The following TBC1D31 variants were observed in gnomAD, a reference collection of about 807,000 sequenced individuals.
TBC1D31 encodes the protein TBC1 domain family member 31.
TBC1D31 carries 99 observed loss-of-function variants against 132.9 expected under a neutral mutation model. That is an observed-to-expected ratio of 0.74 (90% confidence interval 0.63 to 0.88). The LOEUF (loss-of-function observed/expected upper bound fraction) is 0.88. TBC1D31 is among the 40% of genes least tolerant of loss of function. The probability of loss-of-function intolerance (pLI) is 0.00; values close to 1 mark genes in which losing one functional copy is unlikely to be tolerated. For missense variants in TBC1D31, 1,134 were observed against 1,256.6 expected, an observed-to-expected ratio of 0.90 and a Z score of 1.48; for synonymous variants, 385 against 419.4, an observed-to-expected ratio of 0.92 and a Z score of 1.00.
chr8:123,147,083 A>AT (rs1822286172), intron 20 of TBC1D31, among the ~76,000 whole-genome samples: 1 of 152,132 alleles, frequency 6.6e-6, no homozygotes. Flanking sequence ...CTCTGCACGA[A>AT]TTAAATATTT....
At chr8:123,115,427 T>A (rs1818827212) in intron 10 of TBC1D31, among the ~76,000 whole-genome samples, 1 of 152,232 alleles carries the variant, frequency 6.6e-6, no homozygotes, top group Non-Finnish European at 1.5e-5. Flanking sequence ...CCTGGGGTTG[T>A]TCTGAGTATT....
intron 13 of TBC1D31, among the ~76,000 whole-genome samples, chr8:123,126,974 C>T (rs1321090721): frequency 6.6e-6 from 1 of 151,994 alleles, no homozygotes; most frequent in Non-Finnish European, 1.5e-5. Flanking sequence ...CTCCTGACCT[C>T]GTGATCCACC....
intron 1 of TBC1D31, among the ~76,000 whole-genome samples, chr8:123,073,739 G>A (rs1343710291): frequency 6.6e-6 from 1 of 152,190 alleles, no homozygotes; most frequent in African/African-American, 2.4e-5. Context: ...GGGCTGGGGT[G>A]CAGTGGCGCG....
At chr8:123,162,412 G>C in the TBC1D31 span, among the ~76,000 whole-genome samples, 1 of 152,072 alleles carries the variant, frequency 6.6e-6, no homozygotes, top group African/African-American at 2.4e-5. Context: ...TTCCCTTGCG[G>C]CAAATGGACC....
At chr8:123,084,037 T>G (rs1298585875) in intron 3 of TBC1D31, 125 bp from the exon 4 acceptor site, 1 of 759,692 alleles carries the variant, frequency 1.3e-6, no homozygotes, top group East Asian at 2.5e-5. Flanking sequence ...TTGTGGATAT[T>G]AATGGAGGTG....
At chr8:123,157,776 C>T in the TBC1D31 span, among the ~76,000 whole-genome samples, 1 of 152,094 alleles carries the variant, frequency 6.6e-6, no homozygotes, top group Non-Finnish European at 1.5e-5. Context: ...GACCCCAGAT[C>T]CCGCCAGTCC....
chr8:123,111,091 G>GTT (rs143158206), intron 10 of TBC1D31, among the ~76,000 whole-genome samples: 1 of 149,638 alleles, frequency 6.7e-6, no homozygotes, highest in Non-Finnish European at 1.5e-5. Flanking sequence ...CTGAGTCAAG[G>GTT]TTTTTTTTTT....
intron 5 of TBC1D31, among the ~76,000 whole-genome samples, chr8:123,096,700 A>G (rs1816872244): frequency 6.6e-6 from 1 of 152,240 alleles, no homozygotes; most frequent in African/African-American, 2.4e-5. Context: ...TTGAAACATA[A>G]CCATAGTATT....
rs1250597356 is a variant in TBC1D31 at position 123,072,782 on chromosome 8, G to T, written c.13G>T (p.Asp5Tyr). 7.6e-6 allele frequency: 12 copies of T among 1,569,074 alleles called. No homozygotes were observed. In the African/African-American group the frequency reaches 1.2e-4, roughly 16 times the overall value. ...GGCAAGCTTCGCCATGCAGAGCACTGACCTAGGCAACAAGGAGAGCGGCAA... is the reference window on the plus strand; with the variant it reads ...GGCAAGCTTCGCCATGCAGAGCACTTACCTAGGCAACAAGGAGAGCGGCAA... Reference protein sequence around the residue: MQSTDLGNKESGKIW... With the variant: MQSTYLGNKESGKIW... The change falls in exon 1 of 22, where the codon GAC becomes TAC. Residue 5 changes from aspartate to tyrosine, a missense_variant. Physicochemically the swap from Asp to Tyr is radical, Grantham distance 160. Transcript: ENST00000287380.
intron 2 of TBC1D31, among the ~76,000 whole-genome samples, chr8:123,079,127 G>T (rs192120754): frequency 1.1e-4 from 16 of 152,316 alleles, no homozygotes; most frequent in Admixed American, 3.9e-4. Flanking sequence ...CAAGGGACAA[G>T]ATCATGCAAG....
intron 10 of TBC1D31, among the ~76,000 whole-genome samples, chr8:123,114,317 T>TGTTGTTG (rs1554614954): frequency 6.6e-6 from 1 of 151,520 alleles, no homozygotes; most frequent in African/African-American, 2.4e-5. Flanking sequence ...TTGTTTGTTT[T>TGTTGTTG]TTGTTGTTGT....
At chr8:123,144,485 T>C (rs1821993906) in intron 19 of TBC1D31, among the ~76,000 whole-genome samples, 1 of 152,224 alleles carries the variant, frequency 6.6e-6, no homozygotes. Flanking sequence ...AGTTGTGTGC[T>C]TTGTGGCACT....
At chr8:123,157,239 T>G in the TBC1D31 span, among the ~76,000 whole-genome samples, 1 of 152,206 alleles carries the variant, frequency 6.6e-6, no homozygotes, top group Non-Finnish European at 1.5e-5. Context: ...GTGCCCCGTG[T>G]GAGGATCGAA....
intron 5 of TBC1D31, 104 bp downstream of exon 5, chr8:123,093,846 A>G (rs1164711410): frequency 2.5e-6 from 2 of 808,188 alleles, no homozygotes; most frequent in Non-Finnish European, 3.5e-6. Flanking sequence ...TTGTCATATT[A>G]GAAAAAGTTA....
chr8:123,121,119 C>T (rs115728372), intron 11 of TBC1D31, among the ~76,000 whole-genome samples: 1,578 of 151,918 alleles, frequency 0.01, 26 homozygotes, highest in African/African-American at 0.036. Context: ...CCATGCCCAG[C>T]TAATTTTTGT....
chr8:123,098,816 A>AT (rs1817081406), intron 6 of TBC1D31, among the ~76,000 whole-genome samples: 1 of 152,220 alleles, frequency 6.6e-6, no homozygotes, highest in South Asian at 2.1e-4. Flanking sequence ...AGTGGCATAA[A>AT]GGTTATGTGC....
chr8:123,077,996 C>A (rs1023491904), intron 2 of TBC1D31, among the ~76,000 whole-genome samples: 1 of 151,572 alleles, frequency 6.6e-6, no homozygotes, highest in Non-Finnish European at 1.5e-5. Flanking sequence ...TTCAGTGAGC[C>A]GAGATCGTGC....
chr8:123,149,793 G>A (rs1484008459), intron 20 of TBC1D31, among the ~76,000 whole-genome samples: 3 of 152,192 alleles, frequency 2.0e-5, no homozygotes, highest in Non-Finnish European at 2.9e-5. Flanking sequence ...TTTTGAGTTT[G>A]TTGGCTTTTT....
intron 16 of TBC1D31, among the ~76,000 whole-genome samples, chr8:123,131,995 G>C (rs1820675584): frequency 1.3e-5 from 2 of 152,074 alleles, no homozygotes; most frequent in Admixed American, 1.3e-4. Context: ...TTTCTGTCAG[G>C]TTAGCTTACT....
Sources: gnomAD v4.1 joint callset for allele counts (sites outside exome capture counted in the v4.1 genomes callset) on GRCh38, gnomAD v4.1.1 for gene constraint, MANE v1.5 for transcripts, NCBI Gene and HGNC (gene_info 2026-07-23, HGNC 2026-07-21) for gene names.